CFAP36: variants seen among roughly 807,000 people sequenced by gnomAD.
CFAP36 encodes cilia- and flagella-associated protein 36.
CFAP36 carries 37 observed loss-of-function variants against 50.5 expected under a neutral mutation model. The ratio of observed to expected loss-of-function variants is 0.73; its 90% confidence interval spans 0.56 to 0.96. CFAP36 has a LOEUF of 0.96. Ranked by LOEUF, CFAP36 falls within the 50% of genes least tolerant of loss-of-function variation. The pLI, the probability that CFAP36 is intolerant of heterozygous loss-of-function variation, is 0.00. For synonymous variants in CFAP36, 138 were observed against 128.2 expected (o/e 1.08, Z -0.52); for missense variants, 407 against 396.2 (o/e 1.03, Z -0.23).
In CFAP36 at chr2:55,538,992, T is replaced by C. The variant is rs1188525906; in HGVS notation, c.640+1407T>C. 11 of 1,296,406 alleles carry C rather than the reference T, an allele frequency of 8.5e-6. No homozygotes were observed. The South Asian group carries it at 1.2e-4, about 15-fold the overall frequency. 80.3% of individuals were successfully genotyped at this position (1,296,406 alleles called of 1,614,324 possible). ...AAGCTGTTTTAGGTTCACAGTAAAA[T>C]TGAGCAGAAGGTACAGAGATTTCCC... On this transcript the variant is annotated intron_variant, in intron 7 of 9. Transcript: ENST00000349456.
At chr2:55,536,526 C>T (rs1302020920) in intron 6 of CFAP36, among the ~76,000 whole-genome samples, 6 of 152,092 alleles carry the variant, frequency 3.9e-5, no homozygotes, top group African/African-American at 1.4e-4. Context: ...TCTCGGCTCA[C>T]TGCAACCTCT....
At chr2:55,528,058 G>C (rs112346728) in intron 3 of CFAP36, among the ~76,000 whole-genome samples, 13,532 of 151,634 alleles carry the variant, frequency 0.089, 746 homozygotes, top group South Asian at 0.14. Flanking sequence ...CCGCCATGTT[G>C]GCCAGGCTGG....
Position 55,522,154 on chromosome 2 carries a change from A to C in CFAP36, c.168A>C (p.Glu56Asp), listed in dbSNP as rs1475369887. ...TGACCTATACAGAGATTCATCAGGA[A>C]TACAAAGAACTAGTGAGTATTTTTT... ...SKLTYTEIHQEYKELVEKLLE... is the reference protein window; with the variant it reads ...SKLTYTEIHQDYKELVEKLLE... Residue 56 changes from glutamate to aspartate, a missense_variant, in exon 2 of 10, where the codon GAA (glutamate) becomes GAC (aspartate). By Grantham distance (45) the Glu-to-Asp change is conservative. Coordinates refer to ENST00000349456, the MANE Select transcript of CFAP36 (RefSeq NM_080667.7). 40 of 1,531,186 alleles carry C rather than the reference A, an allele frequency of 2.6e-5. No individual in the cohort carries two copies. Among genetic ancestry groups the C allele is most frequent in the Non-Finnish European group, 3.2e-5 (36 of 1,120,274 alleles). 94.8% of individuals were successfully genotyped at this position (1,531,186 alleles called of 1,614,324 possible). A position where few individuals can be genotyped will look rare whatever the true frequency, so the allele number is the denominator to read the frequency against.
intron 6 of CFAP36, among the ~76,000 whole-genome samples, chr2:55,537,109 G>C (rs1355110452): frequency 6.6e-6 from 1 of 152,166 alleles, no homozygotes; most frequent in Non-Finnish European, 1.5e-5. Context: ...AGACGTGGTG[G>C]CTCACTCCTG....
intron 3 of CFAP36, among the ~76,000 whole-genome samples, chr2:55,528,380 A>G (rs1178457687): frequency 6.6e-6 from 1 of 151,738 alleles, no homozygotes; most frequent in Non-Finnish European, 1.5e-5. Flanking sequence ...GCATATCACA[A>G]TACTGATCCT....
chr2:55,544,008 C>G lies in CFAP36; in HGVS notation c.711C>G (p.Ser237=). Residue 237 remains serine (S), a synonymous_variant, in exon 8 of 10, where the codon TCC becomes TCG. Transcript: ENST00000349456. ...GAAAAGTGGAAAGGTCTGAAACTTC[C>G]TCCCTCCCACAAAAAGACCTGAAGA... The part of the protein sequence containing the change: ...LGRKVERSET[S]SLPQKDLKIP... 2 of 1,613,678 alleles carry G rather than the reference C, an allele frequency of 1.2e-6. No individual in the cohort carries two copies. Among genetic ancestry groups the G allele is most frequent in the Non-Finnish European group, 1.7e-6 (2 of 1,179,688 alleles).
chr2:55,525,605 C>T (rs1684185115), intron 3 of CFAP36, among the ~76,000 whole-genome samples: 1 of 151,692 alleles, frequency 6.6e-6, no homozygotes, highest in South Asian at 2.1e-4. Context: ...ACATTATGTT[C>T]TACTGCCATT....
At chr2:55,527,334 G>C (rs1299513573) in intron 3 of CFAP36, among the ~76,000 whole-genome samples, 1 of 151,970 alleles carries the variant, frequency 6.6e-6, no homozygotes, top group Non-Finnish European at 1.5e-5. Flanking sequence ...TGTAATCCCA[G>C]AACTTTGGGA....
At position 55,520,287 on chromosome 2, in the gene CFAP36, A is replaced by T. The variant is rs368695071; in HGVS notation, c.115+371A>T. The T allele has an allele frequency of 9.8e-6, 9 of 918,446 alleles. No individual in the cohort carries two copies. The African/African-American group carries it at 1.5e-4, about 16-fold the overall frequency. The allele number at this position is 918,446 out of a possible 1,614,324, so 56.9% of individuals were successfully genotyped here. A position where few individuals can be genotyped will look rare whatever the true frequency, so the allele number is the denominator to read the frequency against. ...GACTGTTTGGCTGGGCTTCTTCAAC[A>T]GCTTTGCCAGACTTGAGAGGAGAAG... On this transcript the variant is annotated intron_variant, in intron 1 of 9. Transcript: ENST00000349456.
intron 3 of CFAP36, 75 bp from the exon 4 acceptor site, chr2:55,528,803 G>A: frequency 1.2e-6 from 1 of 803,922 alleles, no homozygotes; most frequent in Non-Finnish European, 2.0e-6. Flanking sequence ...CTGTTTTGCA[G>A]TAGAAATGGT....
At chr2:55,538,627 G>T in intron 7 of CFAP36, 1 of 595,312 alleles carries the variant, frequency 1.7e-6, no homozygotes, top group South Asian at 2.5e-5. Context: ...TATTTTTGTT[G>T]AGTCGGGTGT....
chr2:55,519,752 G>A lies in CFAP36; in HGVS notation c.-50G>A. The stretch of plus-strand genomic sequence containing the variant: ...CCTTGTGGCCCAAAGGCCTAACCGG[G>A]GTCCGGCGGTCTGGCCTAGGGATCT... On this transcript the variant is annotated 5_prime_UTR_variant, in exon 1 of 10. Coordinates refer to ENST00000349456, the MANE Select transcript of CFAP36 (RefSeq NM_080667.7). 6.3e-7 allele frequency: 1 copy of A among 1,587,874 alleles called. No homozygotes were observed. The highest frequency in any genetic ancestry group is 8.6e-7 in the Non-Finnish European group (1 of 1,156,720).
chr2:55,539,845 T>C lies in CFAP36; in HGVS notation c.640+2260T>C, dbSNP rs1346195444. On this transcript the variant is annotated intron_variant, in intron 7 of 9. Transcript: ENST00000349456. ...GTAGTGGTATCTCATTGTTGTTTTA[T>C]TTGCATTTCCCTGATGACATGATGT... Among the ~76,000 whole-genome samples the C allele has an allele frequency of 2.0e-5, 3 of 152,240 alleles. No individual in the cohort carries two copies. In the East Asian group the frequency reaches 5.8e-4, roughly 29 times the overall value.
chr2:55,529,921 A>G (rs1021219790), intron 4 of CFAP36, among the ~76,000 whole-genome samples: 1 of 152,144 alleles, frequency 6.6e-6, no homozygotes, highest in Non-Finnish European at 1.5e-5. Context: ...GGCCGGAAGC[A>G]GTGGTTCTTA....
chr2:55,543,463 C>T (rs1482933955), intron 7 of CFAP36, among the ~76,000 whole-genome samples: 1 of 152,166 alleles, frequency 6.6e-6, no homozygotes, highest in African/African-American at 2.4e-5. Flanking sequence ...AAATTATTGA[C>T]ATTACTGGCA....
intron 4 of CFAP36, among the ~76,000 whole-genome samples, chr2:55,533,619 TG>T (rs1282979902): frequency 6.6e-6 from 1 of 150,474 alleles, no homozygotes; most frequent in African/African-American, 2.4e-5. Flanking sequence ...CGCTTGAAGC[TG>T]GGAGGCAGAG....
intron 4 of CFAP36, among the ~76,000 whole-genome samples, chr2:55,531,658 G>A (rs1050775843): frequency 2.6e-5 from 4 of 152,178 alleles, no homozygotes; most frequent in African/African-American, 9.7e-5. Flanking sequence ...ATGAAGAAAT[G>A]GAATATTTCC....
chr2:55,543,097 T>C (rs1413599999), intron 7 of CFAP36, among the ~76,000 whole-genome samples: 2 of 151,718 alleles, frequency 1.3e-5, no homozygotes, highest in South Asian at 2.1e-4. Flanking sequence ...ATCAACCAGG[T>C]GTGGCAAAAA....
rs1684086722 is a variant in CFAP36 at position 55,522,185 on chromosome 2, T to A, written c.180+19T>A. On this transcript the variant is annotated intron_variant, in intron 2 of 9. Transcript: ENST00000349456. ...AGAACTAGTGAGTATTTTTTTTCACTGATTTTTAAAAGTAATTAGGCTAAT... is the reference window on the plus strand; with the variant it reads ...AGAACTAGTGAGTATTTTTTTTCACAGATTTTTAAAAGTAATTAGGCTAAT... 2 of 1,361,384 alleles carry A rather than the reference T, an allele frequency of 1.5e-6. No individual in the cohort carries two copies. The highest frequency in any genetic ancestry group is 1.5e-5 in the African/African-American group (1 of 68,466). 84.3% of individuals were successfully genotyped at this position (1,361,384 alleles called of 1,614,324 possible). A position where few individuals can be genotyped will look rare whatever the true frequency, so the allele number is the denominator to read the frequency against.
Sources: allele counts gnomAD v4.1 joint callset (sites outside exome capture counted in the v4.1 genomes callset), GRCh38; gene constraint gnomAD v4.1.1; transcripts MANE v1.5; gene names NCBI Gene and HGNC (gene_info 2026-07-23, HGNC 2026-07-21).